The following LPAR6 variants were observed in gnomAD, a reference collection of about 807,000 sequenced individuals.
LPAR6 encodes the protein lysophosphatidic acid receptor 6.
Under a neutral mutation model 22.0 loss-of-function variants are expected in LPAR6, and 17 were observed. The observed-to-expected ratio is 0.77, with a 90% CI of 0.53 to 1.16. The LOEUF (loss-of-function observed/expected upper bound fraction) is 1.16. Among genes scored for constraint, LPAR6 ranks in the 50% most tolerant of loss-of-function variants. The pLI is 0.00. For missense variants in LPAR6, 384 were observed against 406.9 expected, an observed-to-expected ratio of 0.94 and a Z score of 0.48; for synonymous variants, 136 against 139.8, an observed-to-expected ratio of 0.97 and a Z score of 0.19.
chr13:48,407,135 G>A (rs1948747811), downstream of LPAR6, among the ~76,000 whole-genome samples: 1 of 152,224 alleles, frequency 6.6e-6, no homozygotes, highest in Non-Finnish European at 1.5e-5. Flanking sequence ...GCTGCTGTAA[G>A]TATACAACAC....
chr13:48,416,308 C>T (rs986552176), upstream of LPAR6: 2 of 152,274 alleles, frequency 1.3e-5, no homozygotes, highest in Admixed American at 6.5e-5. Context: ...GGGGCATCGC[C>T]TTACACGGGA....
intron 1 of LPAR6, among the ~76,000 whole-genome samples, chr13:48,397,798 T>G (rs780761162): frequency 6.6e-6 from 1 of 152,184 alleles, no homozygotes; most frequent in Non-Finnish European, 1.5e-5. Context: ...TTAAGCTTTT[T>G]TGGTATTCTT....
chr13:48,437,572 A>G (rs746464903), intron 1 of LPAR6, among the ~76,000 whole-genome samples: 3 of 152,108 alleles, frequency 2.0e-5, no homozygotes. Context: ...TGGAGAGTCT[A>G]CTTCCAAGTT....
In LPAR6 at chr13:48,412,042, T is replaced by C; in HGVS notation, c.382A>G (p.Arg128Gly). 6.2e-7 allele frequency: 1 copy of C among 1,613,442 alleles called. No individual in the cohort carries two copies. The highest frequency in any genetic ancestry group is 8.5e-7 in the Non-Finnish European group (1 of 1,179,712). ...IVYPFKSKTLRTKRNAKIVCT... is the reference protein window; with the variant it reads ...IVYPFKSKTLGTKRNAKIVCT... ...ACAATCTTTGCATTTCTTTTGGTTC[T>C]TAGAGTCTTTGACTTAAATGGGTAG... Residue 128 changes from arginine (R) to glycine (G), a missense_variant, in exon 1 of 1, where the codon AGA becomes GGA. By Grantham distance (125) the Arg-to-Gly change is moderately radical (BLOSUM62 -2). Coordinates refer to ENST00000620633, the MANE Select transcript of LPAR6 (RefSeq NM_001162498.3).
At chr13:48,421,814 T>G (rs1949009820) in intron 2 of LPAR6, among the ~76,000 whole-genome samples, 1 of 152,182 alleles carries the variant, frequency 6.6e-6, no homozygotes, top group Non-Finnish European at 1.5e-5. Flanking sequence ...AAAACCACAA[T>G]GAGATACCAT....
chr13:48,405,723 A>G (rs1220294938), intron 1 of LPAR6, among the ~76,000 whole-genome samples: 4 of 152,242 alleles, frequency 2.6e-5, no homozygotes, highest in Non-Finnish European at 5.9e-5. Flanking sequence ...AGTCGTAACT[A>G]TACAAAAAGG....
chr13:48,412,044 A>ACTTCTTTT lies in LPAR6; in HGVS notation c.379_380insAAAAGAAG (p.Leu127GlnfsTer4). On this transcript the variant is annotated frameshift_variant, in exon 1 of 1. Transcript: ENST00000620633. LOFTEE classifies it high-confidence loss of function. ...AATCTTTGCATTTCTTTTGGTTCTTAGAGTCTTTGACTTAAATGGGTAGAC... is the reference window on the plus strand; with the variant it reads ...AATCTTTGCATTTCTTTTGGTTCTTACTTCTTTTGAGTCTTTGACTTAAATGGGTAGAC... The ACTTCTTTT allele has an allele frequency of 1.2e-6, 2 of 1,613,488 alleles. No homozygotes were observed. The highest frequency in any genetic ancestry group is 1.7e-6 in the Non-Finnish European group (2 of 1,179,736).
chr13:48,400,553 GC>G lies in LPAR6; in HGVS notation n.115-10742del, dbSNP rs1482629211. ...GTGTTACTATGCTATGGCAAAAAGG[GC>G]CTAGACTTTGAATTAGCGGATCTTA... On this transcript the variant is annotated intron_variant and non_coding_transcript_variant, in intron 1 of 1. Coordinates refer to the LPAR6 transcript ENST00000462781. Among the ~76,000 whole-genome samples, 6 of 152,056 alleles carry G rather than the reference GC, an allele frequency of 3.9e-5. No homozygotes were observed. In the East Asian group the frequency reaches 1.2e-3, roughly 29 times the overall value.
At chr13:48,439,063 AAG>A (rs1239627708) in intron 1 of LPAR6, among the ~76,000 whole-genome samples, 2 of 152,198 alleles carry the variant, frequency 1.3e-5, no homozygotes, top group Non-Finnish European at 2.9e-5. Context: ...TGGGCAAAGA[AAG>A]AGTGAAAGAG....
chr13:48,401,009 C>T (rs1000288037), intron 1 of LPAR6, among the ~76,000 whole-genome samples: 5 of 152,062 alleles, frequency 3.3e-5, no homozygotes, highest in Admixed American at 2.0e-4. Flanking sequence ...CATGGGACTC[C>T]AGCATTGTTA....
chr13:48,392,084 C>T (rs1948614947), intron 1 of LPAR6, among the ~76,000 whole-genome samples: 1 of 151,962 alleles, frequency 6.6e-6, no homozygotes. Context: ...AAAAATATTG[C>T]TCCACTGTCT....
chr13:48,412,101 G>A lies in LPAR6; in HGVS notation c.323C>T (p.Thr108Ile). Residue 108 changes from threonine (T) to isoleucine (I), a missense_variant, in exon 1 of 1, where the codon ACC (threonine) becomes ATC (isoleucine). Physicochemically the swap from Thr to Ile is moderately conservative, Grantham distance 89. Transcript: ENST00000620633. ...TNMYGSILFL[T>I]CISVDRFLAI... ...CAGAAATCGATCTACACTAATACAG[G>A]TTAAGAACAGAATGCTTCCGTACAT... The A allele has an allele frequency of 6.2e-7, 1 of 1,613,244 alleles. No individual in the cohort carries two copies. The highest frequency in any genetic ancestry group is 8.5e-7 in the Non-Finnish European group (1 of 1,179,632).
At position 48,420,047 on chromosome 13, in the gene LPAR6, A is replaced by C. The variant is rs151289919; in HGVS notation, c.-954+2603T>G. On this transcript the variant is annotated intron_variant, in intron 2 of 4. Coordinates refer to the LPAR6 transcript ENST00000345941. ...TCCTTAACTCATTTTATAAGCCAAG[A>C]ATCATCCTGATACCATAACCTGCCA... Among the ~76,000 whole-genome samples, 847 of 152,264 alleles carry C rather than the reference A, an allele frequency of 5.6e-3. 5 individuals carry two copies. The highest frequency in any genetic ancestry group is 0.01 in the Middle Eastern group (3 of 294).
chr13:48,406,215 G>C (rs1198442282), downstream of LPAR6, among the ~76,000 whole-genome samples: 1 of 152,058 alleles, frequency 6.6e-6, no homozygotes, highest in Non-Finnish European at 1.5e-5. Flanking sequence ...GTGTGTGTAT[G>C]TGTGTGTTAG....
chr13:48,441,712 G>C (rs1949238626), intron 1 of LPAR6, among the ~76,000 whole-genome samples: 1 of 152,110 alleles, frequency 6.6e-6, no homozygotes. Flanking sequence ...TTTAGCACTA[G>C]GAATAGGTTA....
intron 2 of LPAR6, among the ~76,000 whole-genome samples, chr13:48,422,241 A>C (rs1949017349): frequency 6.6e-6 from 1 of 152,176 alleles, no homozygotes; most frequent in Non-Finnish European, 1.5e-5. Flanking sequence ...GCTGGAAACC[A>C]TCACTTTCAG....
chr13:48,408,349 A>G (rs1043812292), downstream of LPAR6, among the ~76,000 whole-genome samples: 11 of 152,212 alleles, frequency 7.2e-5, no homozygotes, highest in African/African-American at 2.6e-4. Flanking sequence ...AAGTTCAGAA[A>G]TTATTAGGAT....
In LPAR6 at chr13:48,412,513, A is replaced by G; in HGVS notation, c.-90T>C. 1 of 837,074 alleles carries G rather than the reference A, an allele frequency of 1.2e-6. No homozygotes were observed. The highest frequency in any genetic ancestry group is 1.4e-5 in the South Asian group (1 of 73,202). 51.9% of individuals were successfully genotyped at this position (837,074 alleles called of 1,614,324 possible). A position where few individuals can be genotyped will look rare whatever the true frequency, so the allele number is the denominator to read the frequency against. On this transcript the variant is annotated 5_prime_UTR_variant, in exon 1 of 1. Coordinates refer to ENST00000620633, the MANE Select transcript of LPAR6 (RefSeq NM_001162498.3). ...CAGATTATAACCTCTATAACCTCCA[A>G]TTTATTTGCAAATTATCTGGATCTT...
chr13:48,411,775 A>C lies in LPAR6; in HGVS notation c.649T>G (p.Leu217Val). The C allele has an allele frequency of 6.2e-7, 1 of 1,611,580 alleles. No individual in the cohort carries two copies. The highest frequency in any genetic ancestry group is 8.5e-7 in the Non-Finnish European group (1 of 1,177,828). ...GTTTTGTTTATTTTGCTTCTACTTA[A>C]TGTAACAGGTTTGGTTAAAGTTTTT... is the stretch of plus-strand genomic sequence containing the variant. The part of the protein sequence containing the change: ...VLKTLTKPVT[L>V]SRSKINKTKV... Residue 217 changes from leucine to valine, a missense_variant, in exon 1 of 1, where the codon TTA becomes GTA. By Grantham distance (32) the Leu-to-Val change is conservative. Coordinates refer to ENST00000620633, the MANE Select transcript of LPAR6 (RefSeq NM_001162498.3).
Sources: allele counts gnomAD v4.1 joint callset (sites outside exome capture counted in the v4.1 genomes callset), GRCh38; gene constraint gnomAD v4.1.1; transcripts MANE v1.5; gene names NCBI Gene and HGNC (gene_info 2026-07-23, HGNC 2026-07-21).